The following LRP1B variants were observed in gnomAD, a reference collection of about 807,000 sequenced individuals.
The protein encoded by LRP1B is low-density lipoprotein receptor-related protein 1B.
A neutral mutation model predicts 556.6 loss-of-function variants in LRP1B; 217 were observed. The ratio of observed to expected loss-of-function variants is 0.39; its 90% CI spans 0.35 to 0.44. The LOEUF (loss-of-function observed/expected upper bound fraction) is 0.44. LRP1B is among the 20% of genes least tolerant of loss of function. The probability of loss-of-function intolerance (pLI) is 1.00; values close to 1 mark genes in which losing one functional copy is unlikely to be tolerated. For synonymous variants in LRP1B, 2,047 were observed against 1,865.8 expected, an observed-to-expected ratio of 1.10 and a Z score of -2.50; for missense variants, 5,053 against 5,620.8, an observed-to-expected ratio of 0.90 and a Z score of 3.23.
At chr2:140,837,095 A>G (rs986075943) in intron 31 of LRP1B, among the ~76,000 whole-genome samples, 1 of 152,114 alleles carries the variant, frequency 6.6e-6, no homozygotes, top group East Asian at 1.9e-4. Flanking sequence ...AGTCTATTGG[A>G]CCTAATGTAC....
intron 3 of LRP1B, among the ~76,000 whole-genome samples, chr2:141,270,242 C>T (rs1192562362): frequency 1.3e-5 from 2 of 152,068 alleles, no homozygotes; most frequent in African/African-American, 4.8e-5. Context: ...ACTTCACACT[C>T]ATTAAGACAG....
chr2:140,723,138 C>T (rs1472969544), intron 35 of LRP1B, among the ~76,000 whole-genome samples: 2 of 152,026 alleles, frequency 1.3e-5, no homozygotes, highest in Admixed American at 6.6e-5. Flanking sequence ...GAGGAAAATC[C>T]CAAGATACTT....
chr2:140,484,086 C>T (rs961474731), intron 59 of LRP1B, among the ~76,000 whole-genome samples: 2 of 151,928 alleles, frequency 1.3e-5, no homozygotes, highest in South Asian at 2.1e-4. Flanking sequence ...CTAGTGATTC[C>T]GTTTAAATTA....
At chr2:140,650,491 G>C (rs1278328555) in intron 41 of LRP1B, among the ~76,000 whole-genome samples, 1 of 151,956 alleles carries the variant, frequency 6.6e-6, no homozygotes, top group Non-Finnish European at 1.5e-5. Flanking sequence ...TGGGATTACA[G>C]GTGCCTGCCA....
At chr2:141,240,689 AC>A (rs933016884) in intron 5 of LRP1B, among the ~76,000 whole-genome samples, 67 of 152,218 alleles carry the variant, frequency 4.4e-4, no homozygotes, top group Admixed American at 4.6e-4. Context: ...TATTAAAAAA[AC>A]ATGATAGAAA....
intron 6 of LRP1B, among the ~76,000 whole-genome samples, chr2:141,214,116 ATGC>A (rs1353647550): frequency 6.6e-6 from 1 of 152,210 alleles, no homozygotes; most frequent in Non-Finnish European, 1.5e-5. Flanking sequence ...GAGCCCAAAG[ATGC>A]TGAAGGCTGA....
At chr2:140,506,728 A>C in intron 53 of LRP1B, 68 bp downstream of exon 53, 1 of 1,524,774 alleles carries the variant, frequency 6.6e-7, no homozygotes. Context: ...TTAGTTTTTT[A>C]TTTACATACT....
chr2:141,052,981 C>A (rs1305347938), intron 10 of LRP1B, among the ~76,000 whole-genome samples: 1 of 151,916 alleles, frequency 6.6e-6, no homozygotes, highest in African/African-American at 2.4e-5. Context: ...AATTGATAAA[C>A]CTAGTACTTC....
At chr2:140,512,209 C>T (rs1178415821) in intron 51 of LRP1B, among the ~76,000 whole-genome samples, 2 of 152,116 alleles carry the variant, frequency 1.3e-5, no homozygotes, top group South Asian at 2.1e-4. Context: ...ATGGGTATGA[C>T]TAGATCATTA....
intron 7 of LRP1B, among the ~76,000 whole-genome samples, chr2:141,075,669 T>C (rs997656349): frequency 6.6e-6 from 1 of 152,152 alleles, no homozygotes; most frequent in African/African-American, 2.4e-5. Flanking sequence ...GGAAGTCCTA[T>C]TGGCTTGTAA....
chr2:141,544,316 C>CTTCTTCTT (rs1685407709), intron 2 of LRP1B, among the ~76,000 whole-genome samples: 9 of 34,572 alleles, frequency 2.6e-4, no homozygotes, highest in African/African-American at 7.9e-4. Context: ...TCTTCTTCTT[C>CTTCTTCTT]TTCTTCTTCT....
chr2:141,836,629 C>T (rs146534551), intron 1 of LRP1B, among the ~76,000 whole-genome samples: 1 of 151,922 alleles, frequency 6.6e-6, no homozygotes, highest in Non-Finnish European at 1.5e-5. Context: ...TTTTGTAACA[C>T]ATATATCAAT....
At chr2:141,321,792 T>C (rs1687253558) in intron 3 of LRP1B, among the ~76,000 whole-genome samples, 1 of 152,118 alleles carries the variant, frequency 6.6e-6, no homozygotes, top group Non-Finnish European at 1.5e-5. Context: ...AAAACTTATA[T>C]TTTAAATTTG....
intron 47 of LRP1B, among the ~76,000 whole-genome samples, chr2:140,529,619 A>G (rs1455592781): frequency 6.6e-6 from 1 of 151,956 alleles, no homozygotes; most frequent in Non-Finnish European, 1.5e-5. Context: ...AATCTTTCAA[A>G]GGTTTGCTAT....
chr2:141,429,296 A>G (rs1680481181), intron 3 of LRP1B, among the ~76,000 whole-genome samples: 1 of 152,108 alleles, frequency 6.6e-6, no homozygotes, highest in African/African-American at 2.4e-5. Context: ...ACCCTTTTTA[A>G]TATACACATA....
At chr2:142,067,065 G>A (rs1316882301) in intron 1 of LRP1B, among the ~76,000 whole-genome samples, 1 of 151,302 alleles carries the variant, frequency 6.6e-6, no homozygotes, top group Non-Finnish European at 1.5e-5. Context: ...AGCAATGGTG[G>A]GTTGATTCCT....
intron 2 of LRP1B, among the ~76,000 whole-genome samples, chr2:141,534,940 C>T (rs1370576334): frequency 6.6e-6 from 1 of 152,084 alleles, no homozygotes; most frequent in East Asian, 1.9e-4. Context: ...TTTGGTATAT[C>T]TTTTTTGAAC....
At chr2:140,246,270 A>G (rs977849864) in intron 87 of LRP1B, among the ~76,000 whole-genome samples, 4 of 151,442 alleles carry the variant, frequency 2.6e-5, no homozygotes, top group African/African-American at 7.3e-5. Context: ...AAGGTAAGCA[A>G]TCTTCCATCA....
At chr2:140,358,730 A>G in intron 73 of LRP1B, 91 bp downstream of exon 73, 3 of 1,373,808 alleles carry the variant, frequency 2.2e-6, no homozygotes, top group Non-Finnish European at 3.0e-6. Flanking sequence ...AGATGTCCAC[A>G]TAAGAAATGT....
Sources: allele counts gnomAD v4.1 joint callset (sites outside exome capture counted in the v4.1 genomes callset), GRCh38; gene constraint gnomAD v4.1.1; transcripts MANE v1.5; gene names NCBI Gene and HGNC (gene_info 2026-07-23, HGNC 2026-07-21).